The following ATP6V1H variants were observed in gnomAD, a reference collection of about 807,000 sequenced individuals.
The protein encoded by ATP6V1H is V-type proton ATPase subunit H.
In ATP6V1H, 39 loss-of-function variants were observed where a neutral mutation model predicts 71.7. The observed-to-expected ratio is 0.54, with a 90% CI of 0.42 to 0.71. The LOEUF is 0.71. Among genes scored for constraint, ATP6V1H ranks in the 30% least tolerant of loss-of-function variants. ATP6V1H has a pLI of 0.00. For missense variants in ATP6V1H, 509 were observed against 594.9 expected, an observed-to-expected ratio of 0.86 and a Z score of 1.50; for synonymous variants, 192 against 199.3, an observed-to-expected ratio of 0.96 and a Z score of 0.31.
Position 53,815,624 on chromosome 8 carries a change from G to A in ATP6V1H, c.421-858C>T, listed in dbSNP as rs368191644. 3.2e-4 allele frequency among the ~76,000 whole-genome samples: 48 copies of A among 152,298 alleles called. 2 individuals are homozygous for A. The South Asian group carries it at 8.1e-3, about 26-fold the overall frequency. On this transcript the variant is annotated intron_variant, in intron 5 of 13. Coordinates refer to ENST00000359530, the MANE Select transcript of ATP6V1H (RefSeq NM_015941.4). ...TCTACAACATAGGGACTAATGGGGC[G>A]CCTTTACTTGCTCATTGAGTTGTGA...
intron 12 of ATP6V1H, among the ~76,000 whole-genome samples, chr8:53,752,198 T>C (rs955044644): frequency 1.2e-4 from 19 of 152,220 alleles, no homozygotes; most frequent in African/African-American, 4.3e-4. Context: ...GAAAAAAAAT[T>C]AATGAGGGCT....
At chr8:53,831,760 T>C (rs991366999) in intron 3 of ATP6V1H, 6 of 149,126 alleles carry the variant, frequency 4.0e-5, no homozygotes, top group African/African-American at 1.5e-4. Context: ...TTTTTTTTTT[T>C]TTTTTTTTTT....
At chr8:53,834,176 A>G (rs1336328847) in intron 2 of ATP6V1H, among the ~76,000 whole-genome samples, 1 of 151,458 alleles carries the variant, frequency 6.6e-6, no homozygotes, top group Non-Finnish European at 1.5e-5. Context: ...TTGAGTCAAT[A>G]TGGGGAAGAG....
chr8:53,766,123 C>T (rs1336085203), intron 11 of ATP6V1H, among the ~76,000 whole-genome samples: 1 of 152,230 alleles, frequency 6.6e-6, no homozygotes, highest in Non-Finnish European at 1.5e-5. Flanking sequence ...AGAGTGAATC[C>T]TGTTGCGGGA....
chr8:53,779,958 A>G (rs1408061636), intron 9 of ATP6V1H, among the ~76,000 whole-genome samples: 2 of 152,166 alleles, frequency 1.3e-5, no homozygotes, highest in Non-Finnish European at 2.9e-5. Flanking sequence ...CAGGGGTTCT[A>G]GACCAGCCTG....
rs1467145688 is a variant in ATP6V1H at position 53,748,177 on chromosome 8, G to T, written c.1278-4487C>A. Among the ~76,000 whole-genome samples the T allele has an allele frequency of 3.9e-5, 6 of 151,946 alleles. No homozygotes were observed. The East Asian group carries it at 1.2e-3, about 29-fold the overall frequency. On this transcript the variant is annotated intron_variant, in intron 12 of 13. Coordinates refer to ENST00000359530, the MANE Select transcript of ATP6V1H (RefSeq NM_015941.4). ...CATCTCAAAAACAAAAAAAAAAGTG[G>T]TGGGAGAGACAGCAAAGGTTTCAGT...
intron 11 of ATP6V1H, among the ~76,000 whole-genome samples, chr8:53,767,330 A>T (rs1254075480): frequency 6.6e-6 from 1 of 152,236 alleles, no homozygotes; most frequent in Non-Finnish European, 1.5e-5. Context: ...GTGGAGGTAG[A>T]GGTAGCATAT....
intron 9 of ATP6V1H, among the ~76,000 whole-genome samples, chr8:53,776,176 C>T (rs748095466): frequency 6.6e-6 from 1 of 152,212 alleles, no homozygotes; most frequent in Non-Finnish European, 1.5e-5. Flanking sequence ...CCAGCAGGGC[C>T]GGCCGGCTGC....
intron 9 of ATP6V1H, among the ~76,000 whole-genome samples, chr8:53,783,765 G>C (rs55918240): frequency 1.4e-3 from 211 of 152,328 alleles, no homozygotes; most frequent in African/African-American, 4.7e-3. Context: ...TGGTTTCAAA[G>C]AACATCTTTA....
chr8:53,817,472 G>A lies in ATP6V1H; in HGVS notation c.365C>T (p.Ala122Val), dbSNP rs775204858. The A allele has an allele frequency of 8.1e-6, 13 of 1,613,582 alleles. No homozygotes were observed. Among genetic ancestry groups the A allele is most frequent in the South Asian group, 3.3e-5 (3 of 91,062 alleles). ...CAACATTGGCAGAAAGTAGGGCCAC[G>A]CAGTGTTCTTGCTACATCTTGCATA... ...FDYARCSKNT[A>V]WPYFLPMLNR... The change falls in exon 5 of 14, where the codon GCG (alanine) becomes GTG (valine). Residue 122 changes from alanine (A) to valine (V), a missense_variant. By Grantham distance (64) the Ala-to-Val change is moderately conservative. Transcript: ENST00000359530.
intron 6 of ATP6V1H, 37 bp downstream of exon 6, chr8:53,814,625 A>C (rs747888987): frequency 1.8e-5 from 20 of 1,114,538 alleles, no homozygotes; most frequent in Non-Finnish European, 2.6e-5. Flanking sequence ...CGGATGTTAT[A>C]TTCCTTTCAA....
chr8:53,816,466 C>A (rs1156543370), intron 5 of ATP6V1H, among the ~76,000 whole-genome samples: 1 of 152,156 alleles, frequency 6.6e-6, no homozygotes, highest in African/African-American at 2.4e-5. Context: ...ATGAAAAATT[C>A]TTCAGTACTA....
At chr8:53,799,948 A>C (rs1358553391) in intron 8 of ATP6V1H, among the ~76,000 whole-genome samples, 1 of 152,204 alleles carries the variant, frequency 6.6e-6, no homozygotes, top group Non-Finnish European at 1.5e-5. Flanking sequence ...TCCATTGTTT[A>C]TAAGCCACCC....
At chr8:53,717,175 T>C (rs562263747) in intron 13 of ATP6V1H, among the ~76,000 whole-genome samples, 1 of 152,292 alleles carries the variant, frequency 6.6e-6, no homozygotes, top group Non-Finnish European at 1.5e-5. Context: ...TCCACAGTGG[T>C]CCAGAAGAGG....
chr8:53,753,552 T>C (rs1368764445), intron 12 of ATP6V1H, among the ~76,000 whole-genome samples: 1 of 152,250 alleles, frequency 6.6e-6, no homozygotes, highest in Non-Finnish European at 1.5e-5. Context: ...GAGGCAGTGC[T>C]GTGAGAAGAT....
intron 4 of ATP6V1H, 35 bp downstream of exon 4, chr8:53,829,409 A>G (rs1248325331): frequency 7.0e-7 from 1 of 1,427,292 alleles, no homozygotes; most frequent in East Asian, 2.3e-5. Flanking sequence ...AAAAAAATGA[A>G]GTCACCAAAT....
chr8:53,835,026 T>A (rs1811115048), intron 2 of ATP6V1H, among the ~76,000 whole-genome samples: 1 of 152,048 alleles, frequency 6.6e-6, no homozygotes, highest in Non-Finnish European at 1.5e-5. Flanking sequence ...CACACTCCTG[T>A]AGTCCCAGCT....
At chr8:53,819,637 CA>C (rs1810577957) in intron 4 of ATP6V1H, among the ~76,000 whole-genome samples, 2 of 77,778 alleles carry the variant, frequency 2.6e-5, no homozygotes, top group South Asian at 4.4e-4. Context: ...TATGTATATA[CA>C]AATGTATATA....
chr8:53,730,787 T>A (rs900259545), intron 13 of ATP6V1H, among the ~76,000 whole-genome samples: 3 of 152,094 alleles, frequency 2.0e-5, no homozygotes, highest in African/African-American at 7.2e-5. Context: ...CAAAGACTCA[T>A]GAGAACATTT....
Sources: gnomAD v4.1 joint callset for allele counts (sites outside exome capture counted in the v4.1 genomes callset) on GRCh38, gnomAD v4.1.1 for gene constraint, MANE v1.5 for transcripts, NCBI Gene and HGNC (gene_info 2026-07-23, HGNC 2026-07-21) for gene names.